The following TAFA4 variants were observed in gnomAD, a reference collection of about 807,000 sequenced individuals.
TAFA4 encodes chemokine-like protein TAFA-4.
Under a neutral mutation model 21.1 loss-of-function variants are expected in TAFA4, and 20 were observed. The ratio of observed to expected loss-of-function variants is 0.95; its 90% CI spans 0.67 to 1.38. The LOEUF (loss-of-function observed/expected upper bound fraction) is 1.38, where lower values mean the gene tolerates loss of function less well. Among genes scored for constraint, TAFA4 ranks in the 40% most tolerant of loss-of-function variants. The pLI, the probability that TAFA4 is intolerant of heterozygous loss-of-function variation, is 0.00. For synonymous variants in TAFA4, 71 were observed against 67.4 expected (o/e 1.05, Z -0.26); for missense variants, 211 against 180.9 (o/e 1.17, Z -0.95).
At chr3:68,852,100 C>T (rs531027181) in intron 3 of TAFA4, among the ~76,000 whole-genome samples, 22 of 152,186 alleles carry the variant, frequency 1.4e-4, no homozygotes, top group Non-Finnish European at 2.8e-4. Context: ...ACAACTGATA[C>T]GTGATGAAGA....
At chr3:68,822,946 G>T (rs1384983148) in intron 3 of TAFA4, among the ~76,000 whole-genome samples, 4 of 152,160 alleles carry the variant, frequency 2.6e-5, no homozygotes, top group African/African-American at 9.7e-5. Context: ...AATAAACTCA[G>T]TTGGGTTTAA....
At chr3:68,776,914 T>G (rs778619792) in intron 3 of TAFA4, among the ~76,000 whole-genome samples, 1 of 151,932 alleles carries the variant, frequency 6.6e-6, no homozygotes, top group Admixed American at 6.6e-5. Flanking sequence ...AAAGAAGAAA[T>G]AGCAAAACAA....
intron 5 of TAFA4, 72 bp downstream of exon 5, chr3:68,739,003 G>C: frequency 6.3e-7 from 1 of 1,585,438 alleles, no homozygotes; most frequent in Non-Finnish European, 8.6e-7. Flanking sequence ...CTTGATGGCA[G>C]AATAAAATCA....
At chr3:68,922,779 C>G (rs1024322647) in intron 1 of TAFA4, among the ~76,000 whole-genome samples, 2 of 152,120 alleles carry the variant, frequency 1.3e-5, no homozygotes, top group African/African-American at 2.4e-5. Context: ...GAATTTTTTC[C>G]TTTCCTGATT....
At chr3:68,746,019 G>A (rs576068077) in intron 4 of TAFA4, among the ~76,000 whole-genome samples, 4 of 152,276 alleles carry the variant, frequency 2.6e-5, no homozygotes, top group African/African-American at 7.2e-5. Flanking sequence ...TCACCTGCCA[G>A]CACAGCTAGG....
intron 3 of TAFA4, among the ~76,000 whole-genome samples, chr3:68,823,940 G>C (rs1704168495): frequency 6.6e-6 from 1 of 151,872 alleles, no homozygotes; most frequent in South Asian, 2.1e-4. Flanking sequence ...CAATATAATT[G>C]GTCTCTTCTG....
intron 3 of TAFA4, among the ~76,000 whole-genome samples, chr3:68,776,228 A>G (rs1184606712): frequency 6.6e-6 from 1 of 152,144 alleles, no homozygotes; most frequent in Non-Finnish European, 1.5e-5. Context: ...AAAGGTAGAG[A>G]CCGTCAGAAT....
Position 68,792,131 on chromosome 3 carries a change from T to A in TAFA4, c.131-39113A>T, listed in dbSNP as rs1023840116. 3.9e-5 allele frequency among the ~76,000 whole-genome samples: 6 copies of A among 152,238 alleles called. No individual in the cohort carries two copies. The East Asian group carries it at 1.2e-3, about 29-fold the overall frequency. ...GAAACATGCCATCAAAACCCATCTT[T>A]GCAAGCTCATTTCACTCATTCGCAA... On this transcript the variant is annotated intron_variant, in intron 3 of 5. Transcript: ENST00000295569.
At chr3:68,867,988 T>C (rs996641456) in intron 3 of TAFA4, among the ~76,000 whole-genome samples, 2 of 152,044 alleles carry the variant, frequency 1.3e-5, no homozygotes, top group Non-Finnish European at 1.5e-5. Flanking sequence ...TGGTAAGTAC[T>C]TCCATATCCA....
chr3:68,921,628 C>T (rs947712674), intron 1 of TAFA4, among the ~76,000 whole-genome samples: 1 of 152,162 alleles, frequency 6.6e-6, no homozygotes, highest in Admixed American at 6.5e-5. Flanking sequence ...ACTAAATCTT[C>T]GATTATTCCC....
At chr3:68,869,217 A>G (rs2089454350) in intron 3 of TAFA4, among the ~76,000 whole-genome samples, 1 of 152,098 alleles carries the variant, frequency 6.6e-6, no homozygotes, top group Non-Finnish European at 1.5e-5. Context: ...GCAGTCATAA[A>G]GCATCTCCCA....
intron 4 of TAFA4, among the ~76,000 whole-genome samples, chr3:68,748,567 C>T (rs1336072240): frequency 6.6e-6 from 1 of 151,936 alleles, no homozygotes; most frequent in East Asian, 1.9e-4. Flanking sequence ...ATGGGGAGAC[C>T]CCCGTCTCTA....
intron 1 of TAFA4, among the ~76,000 whole-genome samples, chr3:68,899,445 G>A (rs967012209): frequency 1.4e-4 from 21 of 151,598 alleles, no homozygotes; most frequent in Non-Finnish European, 2.9e-4. Context: ...ATTTACGGAA[G>A]GCTTCTTAAA....
chr3:68,758,571 A>G (rs927575173), intron 3 of TAFA4, among the ~76,000 whole-genome samples: 4 of 152,238 alleles, frequency 2.6e-5, no homozygotes, highest in African/African-American at 9.6e-5. Flanking sequence ...CTGTGAGTCC[A>G]TTAAACCTCT....
At chr3:68,869,563 A>G (rs35426189) in intron 3 of TAFA4, among the ~76,000 whole-genome samples, 5,638 of 152,238 alleles carry the variant, frequency 0.037, 195 homozygotes, top group East Asian at 0.12. Flanking sequence ...CAACATATGC[A>G]AATCAATAAA....
intron 1 of TAFA4, among the ~76,000 whole-genome samples, chr3:68,931,248 C>T (rs1465288332): frequency 6.6e-6 from 1 of 151,976 alleles, no homozygotes; most frequent in Non-Finnish European, 1.5e-5. Flanking sequence ...GAAAAGAGTT[C>T]AGGGATAAAG....
At chr3:68,881,722 CCT>C (rs2089620435) in intron 2 of TAFA4, among the ~76,000 whole-genome samples, 1 of 152,118 alleles carries the variant, frequency 6.6e-6, no homozygotes, top group Non-Finnish European at 1.5e-5. Flanking sequence ...CAAAGAAACC[CCT>C]GTTTAATATA....
chr3:68,909,689 T>G (rs898576910), intron 1 of TAFA4, among the ~76,000 whole-genome samples: 4 of 152,218 alleles, frequency 2.6e-5, no homozygotes, highest in Admixed American at 2.0e-4. Flanking sequence ...GCCTCTACTA[T>G]CAGATGGGAC....
chr3:68,761,562 C>T (rs975205309), intron 3 of TAFA4, among the ~76,000 whole-genome samples: 2 of 152,104 alleles, frequency 1.3e-5, no homozygotes, highest in Non-Finnish European at 2.9e-5. Flanking sequence ...GGAGATGATG[C>T]CAGAAAGATA....
Sources: allele counts gnomAD v4.1 joint callset (sites outside exome capture counted in the v4.1 genomes callset), GRCh38; gene constraint gnomAD v4.1.1; transcripts MANE v1.5; gene names NCBI Gene and HGNC (gene_info 2026-07-23, HGNC 2026-07-21).